C9orf72: variants seen among roughly 807,000 people sequenced by gnomAD.
C9orf72 encodes C9orf72-SMCR8 complex subunit.
In C9orf72, 44 loss-of-function variants were observed where a neutral mutation model predicts 51.6. The observed-to-expected ratio is 0.85, with a 90% CI of 0.67 to 1.10. The LOEUF (loss-of-function observed/expected upper bound fraction) is 1.10. C9orf72 is among the 50% of genes least tolerant of loss of function. The pLI is 0.00. For missense variants in C9orf72, 607 were observed against 570.6 expected (o/e 1.06, Z -0.65); for synonymous variants, 213 against 194.2 (o/e 1.10, Z -0.81).
intron 3 of C9orf72, among the ~76,000 whole-genome samples, chr9:27,564,679 GTTTT>G (rs917278715): frequency 6.8e-6 from 1 of 147,626 alleles, no homozygotes; most frequent in South Asian, 2.1e-4. Context: ...ATTTTCACAA[GTTTT>G]TTTTTTTAAT....
chr9:27,555,964 C>T (rs1327247325), intron 8 of C9orf72, among the ~76,000 whole-genome samples: 4 of 150,838 alleles, frequency 2.7e-5, no homozygotes, highest in Admixed American at 6.6e-5. Flanking sequence ...ATAGATTTAT[C>T]ATCATCATTT....
At chr9:27,558,448 A>C (rs1176228288) in intron 7 of C9orf72, 43 bp downstream of exon 7, 3 of 1,063,360 alleles carry the variant, frequency 2.8e-6, no homozygotes, top group Admixed American at 2.0e-5. Flanking sequence ...CTCAAAAATG[A>C]TTTTAGAAAA....
chr9:27,569,158 A>G (rs544037706), intron 1 of C9orf72, among the ~76,000 whole-genome samples: 10 of 152,310 alleles, frequency 6.6e-5, no homozygotes, highest in Non-Finnish European at 1.0e-4. Flanking sequence ...ATTTTTGTAT[A>G]GCTATACAAT....
chr9:27,562,478 T>A lies in C9orf72; in HGVS notation c.505-2A>T. 6.6e-7 allele frequency: 1 copy of A among 1,516,234 alleles called. No individual in the cohort carries two copies. Among genetic ancestry groups the A allele is most frequent in the South Asian group, 1.3e-5 (1 of 79,620 alleles). 93.9% of individuals were successfully genotyped at this position (1,516,234 alleles called of 1,614,324 possible). A position where few individuals can be genotyped will look rare whatever the true frequency, so the allele number is the denominator to read the frequency against. ...AAGCATTGGAATAATACTCTGACCC[T>A]GCACAATAAAGTGACATGAAGTGAA... On this transcript the variant is annotated splice_acceptor_variant, in intron 3 of 10. Transcript: ENST00000380003. LOFTEE classifies it high-confidence loss of function.
Position 27,562,482 on chromosome 9 carries a change from C to A in C9orf72, c.505-6G>T, listed in dbSNP as rs1587314159. ...ATTGGAATAATACTCTGACCCTGCA[C>A]AATAAAGTGACATGAAGTGAAGAAA... On this transcript the variant is annotated splice_polypyrimidine_tract_variant and splice_region_variant and intron_variant, in intron 3 of 10. Coordinates refer to ENST00000380003, the MANE Select transcript of C9orf72 (RefSeq NM_018325.5). 6 of 1,480,670 alleles carry A rather than the reference C, an allele frequency of 4.1e-6. No homozygotes were observed. The Admixed American group carries it at 1.1e-4, about 27-fold the overall frequency. 91.7% of individuals were successfully genotyped at this position (1,480,670 alleles called of 1,614,324 possible). A position where few individuals can be genotyped will look rare whatever the true frequency, so the allele number is the denominator to read the frequency against.
rs974057629 is a variant in C9orf72, at chr9:27,547,742, C to T, written c.*494G>A. 3 of 152,616 alleles carry T rather than the reference C, an allele frequency of 2.0e-5. No homozygotes were observed. Among genetic ancestry groups the T allele is most frequent in the African/African-American group, 7.2e-5 (3 of 41,442 alleles). The allele number at this position is 152,616 out of a possible 1,614,324, so 9.5% of individuals were successfully genotyped here. Reference sequence around the variant, plus strand: ...ATCAATTTTCTTTCTAAAGCTCATCCTATGTTCAAGCTCACTTTCTTTCTG... The same window carrying T: ...ATCAATTTTCTTTCTAAAGCTCATCTTATGTTCAAGCTCACTTTCTTTCTG... On this transcript the variant is annotated 3_prime_UTR_variant, in exon 11 of 11. Coordinates refer to ENST00000380003, the MANE Select transcript of C9orf72 (RefSeq NM_018325.5).
At chr9:27,560,704 G>A (rs879248705) in intron 5 of C9orf72, 1 of 987,422 alleles carries the variant, frequency 1.0e-6, no homozygotes, top group African/African-American at 1.7e-5. Context: ...AAGCCATTAA[G>A]GCTCTTAGGT....
intron 6 of C9orf72, 133 bp from the exon 7 acceptor site, chr9:27,558,740 T>C: frequency 1.8e-6 from 1 of 553,542 alleles, no homozygotes; most frequent in Non-Finnish European, 3.2e-6. Context: ...TTTAGTCACC[T>C]GGAATCCATG....
chr9:27,572,699 C>A (rs766504266), intron 1 of C9orf72, among the ~76,000 whole-genome samples: 2 of 152,114 alleles, frequency 1.3e-5, no homozygotes, highest in Non-Finnish European at 2.9e-5. Context: ...TGGTGTTCAA[C>A]GCGGCCAGAT....
intron 6 of C9orf72, 188 bp from the exon 7 acceptor site, chr9:27,558,795 A>C: frequency 2.2e-6 from 1 of 462,308 alleles, no homozygotes; most frequent in East Asian, 3.8e-5. Flanking sequence ...GTGGTCAAAT[A>C]AATTTAGAAA....
At chr9:27,561,152 G>T in intron 5 of C9orf72, 1 of 655,768 alleles carries the variant, frequency 1.5e-6, no homozygotes, top group Non-Finnish European at 1.9e-6. Flanking sequence ...CATTAATCCA[G>T]GGAGTCTGGT....
At chr9:27,550,858 T>C in intron 8 of C9orf72, 151 bp from the exon 9 acceptor site, 2 of 501,606 alleles carry the variant, frequency 4.0e-6, no homozygotes, top group East Asian at 3.3e-5. Flanking sequence ...AATATAGATA[T>C]ATATATTTGG....
At chr9:27,553,208 G>GA (rs1176006313) in intron 8 of C9orf72, among the ~76,000 whole-genome samples, 4 of 152,058 alleles carry the variant, frequency 2.6e-5, no homozygotes, top group African/African-American at 7.2e-5. Context: ...CACAAAACCA[G>GA]AAAAAACTGT....
chr9:27,572,359 T>G (rs1819605754), intron 1 of C9orf72, among the ~76,000 whole-genome samples: 1 of 152,188 alleles, frequency 6.6e-6, no homozygotes, highest in African/African-American at 2.4e-5. Context: ...GTATTCTGAC[T>G]CCAGGTTATT....
chr9:27,568,086 CAAAAAAAA>C (rs11418499), intron 1 of C9orf72, among the ~76,000 whole-genome samples: 2 of 80,610 alleles, frequency 2.5e-5, no homozygotes, highest in Non-Finnish European at 2.3e-5. Flanking sequence ...GCTAAAAGGT[CAAAAAAAA>C]AAAAAAAAAA....
intron 8 of C9orf72, among the ~76,000 whole-genome samples, chr9:27,554,138 C>T (rs759090827): frequency 6.6e-6 from 1 of 152,062 alleles, no homozygotes; most frequent in Non-Finnish European, 1.5e-5. Flanking sequence ...ATAGAACTAC[C>T]ATTCACCCTA....
At chr9:27,568,436 G>A (rs1297158704) in intron 1 of C9orf72, among the ~76,000 whole-genome samples, 2 of 152,088 alleles carry the variant, frequency 1.3e-5, no homozygotes, top group East Asian at 1.9e-4. Flanking sequence ...GAACATAAAC[G>A]CTCACATCCA....
intron 8 of C9orf72, among the ~76,000 whole-genome samples, chr9:27,554,147 T>C (rs1430756213): frequency 2.0e-5 from 3 of 152,170 alleles, no homozygotes; most frequent in Non-Finnish European, 4.4e-5. Flanking sequence ...CCATTCACCC[T>C]AGCAACCCCA....
intron 9 of C9orf72, among the ~76,000 whole-genome samples, chr9:27,550,282 G>C (rs2131528611): frequency 6.6e-6 from 1 of 151,252 alleles, no homozygotes; most frequent in East Asian, 1.9e-4. Flanking sequence ...TAAAAGCTAA[G>C]TCAGATTTCA....
Sources: gnomAD v4.1 joint callset for allele counts (sites outside exome capture counted in the v4.1 genomes callset) on GRCh38, gnomAD v4.1.1 for gene constraint, MANE v1.5 for transcripts, NCBI Gene and HGNC (gene_info 2026-07-23, HGNC 2026-07-21) for gene names.